Variants in ZNF317 observed in about 807,000 individuals in gnomAD.
ZNF317 encodes the protein KRAB-containing zinc finger protein 317.
Under a neutral mutation model 23.4 loss-of-function variants are expected in ZNF317, and 17 were observed. That is an observed-to-expected ratio of 0.73 (90% CI 0.50 to 1.09). The LOEUF is 1.09. ZNF317 is among the 50% of genes least tolerant of loss of function. ZNF317 has a pLI of 0.00. For missense variants in ZNF317, 679 were observed against 796.7 expected, an observed-to-expected ratio of 0.85 and a Z score of 1.78; for synonymous variants, 317 against 314.9, an observed-to-expected ratio of 1.01 and a Z score of -0.07.
chr19:9,142,012 G>T (rs1315598531), intron 1 of ZNF317, among the ~76,000 whole-genome samples: 2 of 152,118 alleles, frequency 1.3e-5, no homozygotes, highest in African/African-American at 4.8e-5. Context: ...CAACATGTTG[G>T]CCAGGCTGGT....
At chr19:9,153,154 TTG>T (rs1373463316) in intron 1 of ZNF317, among the ~76,000 whole-genome samples, 2 of 139,626 alleles carry the variant, frequency 1.4e-5, no homozygotes, top group African/African-American at 6.5e-5. Flanking sequence ...TTGTTTTTGT[TTG>T]TTTGTTTGTT....
intron 1 of ZNF317, among the ~76,000 whole-genome samples, chr19:9,151,404 T>C (rs1285225638): frequency 6.6e-6 from 1 of 152,190 alleles, no homozygotes; most frequent in African/African-American, 2.4e-5. Context: ...GAAATACTAA[T>C]TGATGTTGAA....
rs377643751 is a variant in ZNF317 at position 9,149,324 on chromosome 19, A to G, written c.-92-6601A>G. ...CCCTGTCTCTACTAAAAGTACAAAA[A>G]TTAGCCGGACACAGTGGCACACCTA... is the stretch of plus-strand genomic sequence containing the variant. On this transcript the variant is annotated intron_variant, in intron 1 of 6. Coordinates refer to ENST00000247956, the MANE Select transcript of ZNF317 (RefSeq NM_020933.5). Among the ~76,000 whole-genome samples the G allele has an allele frequency of 1.7e-4, 26 of 152,104 alleles. 1 individual carries two copies. Among genetic ancestry groups the G allele is most frequent in the Admixed American group, 1.1e-3 (17 of 15,280 alleles).
chr19:9,158,814 A>G lies in ZNF317; in HGVS notation c.386-12A>G, dbSNP rs746439895. On this transcript the variant is annotated splice_polypyrimidine_tract_variant and intron_variant, in intron 5 of 6. Transcript: ENST00000247956. ...CTTTTCCAACAATTAATACTTTTCCAATTTGTTTCAGATTGGGAGACTCCA... is the reference window on the plus strand; with the variant it reads ...CTTTTCCAACAATTAATACTTTTCCGATTTGTTTCAGATTGGGAGACTCCA... The G allele has an allele frequency of 2.5e-6, 4 of 1,573,592 alleles. No individual in the cohort carries two copies. Among genetic ancestry groups the G allele is most frequent in the African/African-American group, 1.3e-5 (1 of 74,112 alleles).
In ZNF317 at chr19:9,140,421, T is replaced by A. The variant is rs761728013; in HGVS notation, c.-264T>A. 2.3e-6 allele frequency: 1 copy of A among 437,852 alleles called. No individual in the cohort carries two copies. Among genetic ancestry groups the A allele is most frequent in the African/African-American group, 2.0e-5 (1 of 48,812 alleles). 27.1% of individuals were successfully genotyped at this position (437,852 alleles called of 1,614,324 possible). A position where few individuals can be genotyped will look rare whatever the true frequency, so the allele number is the denominator to read the frequency against. ...CAGTGAAGCGGAAGCCATTACTCTC[T>A]GGAGTCGATTGCCCCGAGACACATG... On this transcript the variant is annotated 5_prime_UTR_variant, in exon 1 of 7. Coordinates refer to ENST00000247956, the MANE Select transcript of ZNF317 (RefSeq NM_020933.5).
At chr19:9,149,188 A>C (rs1416724943) in intron 1 of ZNF317, among the ~76,000 whole-genome samples, 3 of 152,130 alleles carry the variant, frequency 2.0e-5, no homozygotes, top group African/African-American at 7.2e-5. Context: ...AAAGAAAAGG[A>C]GTGGAGAATT....
At chr19:9,143,938 T>A (rs868648189) in intron 1 of ZNF317, among the ~76,000 whole-genome samples, 2 of 150,444 alleles carry the variant, frequency 1.3e-5, no homozygotes, top group African/African-American at 2.4e-5. Flanking sequence ...TTTTTTTTTT[T>A]ACTTGCCTTA....
intron 1 of ZNF317, among the ~76,000 whole-genome samples, chr19:9,141,167 T>C (rs17238795): frequency 0.067 from 10,210 of 152,254 alleles, 357 homozygotes; most frequent in Middle Eastern, 0.13. Context: ...CTTATCGTGA[T>C]TATTAATATT....
At chr19:9,156,996 A>G (rs2050790971) in intron 3 of ZNF317, 1 of 641,178 alleles carries the variant, frequency 1.6e-6, no homozygotes. Context: ...ACGGGGGGAA[A>G]TAAAGGGCAA....
chr19:9,161,264 G>C lies in ZNF317; in HGVS notation c.1619G>C (p.Ser540Thr). Residue 540 changes from serine (S) to threonine (T), a missense_variant, in exon 7 of 7, where the codon AGC becomes ACC. Physicochemically the swap from Ser to Thr is moderately conservative, Grantham distance 58. Coordinates refer to ENST00000247956, the MANE Select transcript of ZNF317 (RefSeq NM_020933.5). This position sits in a 1 kb window ranked among gnomAD's most constrained non-coding sequence, Gnocchi z 4.0. The part of the protein sequence containing the change: ...YECDHCGKAF[S>T]IGSNLNVHRR... ...TGCGATCACTGTGGGAAGGCCTTCA[G>C]CATAGGCTCCAACCTGAATGTGCAC... is the stretch of plus-strand genomic sequence containing the variant. 6.2e-7 allele frequency: 1 copy of C among 1,613,864 alleles called. No homozygotes were observed. The highest frequency in any genetic ancestry group is 2.2e-5 in the East Asian group (1 of 44,852).
At chr19:9,147,330 GTTTTTTTTTTTT>G (rs35259257) in intron 1 of ZNF317, among the ~76,000 whole-genome samples, 11 of 110,170 alleles carry the variant, frequency 1.0e-4, no homozygotes, top group Admixed American at 1.9e-4. Flanking sequence ...AATGACACTG[GTTTTTTTTTTTT>G]TTTTTTTTTT....
Position 9,158,363 on chromosome 19 carries a change from C to CTTTTTT in ZNF317, c.385+311_385+316dup, listed in dbSNP as rs200591339. Among the ~76,000 whole-genome samples, 134 of 76,546 alleles carry CTTTTTT rather than the reference C, an allele frequency of 1.8e-3. 3 individuals carry two copies. Among genetic ancestry groups the CTTTTTT allele is most frequent in the East Asian group, 3.1e-3 (9 of 2,908 alleles). The allele number at this position is 76,546 out of a possible 152,430, so 50.2% of individuals were successfully genotyped here. A position where few individuals can be genotyped will look rare whatever the true frequency, so the allele number is the denominator to read the frequency against. ...CTGAATTGCCTTAAATTTCTTTTTT[C>CTTTTTT]TTTTTTTTTTTTTTTTTTTTTTTTT... On this transcript the variant is annotated intron_variant, in intron 5 of 6. Transcript: ENST00000247956.
rs768422421 is a variant in ZNF317, at chr19:9,158,002, C to T, written c.312C>T (p.Ser104=). ...TAGGGTATCAGGTCGGCAAACCCAGCCTCATCTCACACTTGGAGCAGGAGG... is the reference window on the plus strand; with the variant it reads ...TAGGGTATCAGGTCGGCAAACCCAGTCTCATCTCACACTTGGAGCAGGAGG... ...TSLGYQVGKP[S]LISHLEQEEE... The change falls in exon 5 of 7, where the codon AGC becomes AGT. Residue 104 remains serine, a synonymous_variant. Transcript: ENST00000247956. 57 of 1,551,374 alleles carry T rather than the reference C, an allele frequency of 3.7e-5. No homozygotes were observed. The African/African-American group carries it at 7.1e-4, about 19-fold the overall frequency.
At chr19:9,156,509 T>G in intron 2 of ZNF317, 103 bp from the exon 3 acceptor site, 1 of 1,409,938 alleles carries the variant, frequency 7.1e-7, no homozygotes, top group African/African-American at 1.4e-5. Context: ...GGATTGAGGA[T>G]GTGAACACTC....
intron 1 of ZNF317, among the ~76,000 whole-genome samples, chr19:9,155,010 C>T (rs1405693774): frequency 6.6e-6 from 1 of 152,034 alleles, no homozygotes; most frequent in African/African-American, 2.4e-5. Context: ...AAGTCTTTTA[C>T]CCTTTTTGTT....
In ZNF317 at chr19:9,142,842, CTTTG is replaced by C. The variant is rs1472096765; in HGVS notation, c.-93+2255_-93+2258del. 5.9e-5 allele frequency among the ~76,000 whole-genome samples: 9 copies of C among 152,180 alleles called. No individual in the cohort carries two copies. In the East Asian group the frequency reaches 7.7e-4, roughly 13 times the overall value. ...TACTTTTGGCTTCGGTTTGCTAATACTTTGTTTGGTGTTTTTGGATCTATGCTTG... is the reference window on the plus strand; with the variant it reads ...TACTTTTGGCTTCGGTTTGCTAATACTTTGGTGTTTTTGGATCTATGCTTG... On this transcript the variant is annotated intron_variant, in intron 1 of 6. Coordinates refer to ENST00000247956, the MANE Select transcript of ZNF317 (RefSeq NM_020933.5).
chr19:9,157,264 C>T lies in ZNF317; in HGVS notation c.163-4C>T. On this transcript the variant is annotated splice_region_variant and splice_polypyrimidine_tract_variant and intron_variant, in intron 3 of 6. Transcript: ENST00000247956. ...GCTGACCCCAAGTTTGTGTGGCGTT[C>T]CAGGAATCGGTGACTTTCCAAGATG... is the stretch of plus-strand genomic sequence containing the variant. The T allele has an allele frequency of 1.9e-6, 3 of 1,613,448 alleles. No homozygotes were observed. The highest frequency in any genetic ancestry group is 2.5e-6 in the Non-Finnish European group (3 of 1,179,734).
intron 1 of ZNF317, among the ~76,000 whole-genome samples, chr19:9,155,647 A>T (rs1404532560): frequency 6.6e-6 from 1 of 152,204 alleles, no homozygotes; most frequent in Non-Finnish European, 1.5e-5. Flanking sequence ...CTAGGACCAG[A>T]GTGTTTAATG....
chr19:9,141,183 T>C (rs1472473738), intron 1 of ZNF317, among the ~76,000 whole-genome samples: 1 of 152,224 alleles, frequency 6.6e-6, no homozygotes, highest in Non-Finnish European at 1.5e-5. Context: ...ATATTTTCCA[T>C]TGAATTTTAC....
Sources: gnomAD v4.1 joint callset for allele counts (sites outside exome capture counted in the v4.1 genomes callset) on GRCh38, gnomAD v4.1.1 for gene constraint, Gnocchi (gnomAD v3.1) non-coding constraint, MANE v1.5 for transcripts, NCBI Gene and HGNC (gene_info 2026-07-23, HGNC 2026-07-21) for gene names.